IL1RAPL1: variants seen among roughly 807,000 people sequenced by gnomAD.
The protein encoded by IL1RAPL1 is interleukin-1 receptor accessory protein-like 1.
Under a neutral mutation model 48.4 loss-of-function variants are expected in IL1RAPL1, and 3 were observed. That is an observed-to-expected ratio of 0.06 (90% CI 0.03 to 0.16). The LOEUF (loss-of-function observed/expected upper bound fraction) is 0.16. Among genes scored for constraint, IL1RAPL1 ranks in the 10% least tolerant of loss-of-function variants. The pLI is 1.00. For synonymous variants in IL1RAPL1, 185 were observed against 187.7 expected (o/e 0.99, Z 0.12); for missense variants, 349 against 530.6 (o/e 0.66, Z 3.36).
intron 1 of IL1RAPL1, among the ~76,000 whole-genome samples, chrX:28,644,849 T>C (rs1446837026): frequency 9.0e-6 from 1 of 111,417 alleles, no homozygotes; most frequent in African/African-American, 3.3e-5. Context: ...TGTAGAATGT[T>C]GATACCAGTT....
intron 6 of IL1RAPL1, among the ~76,000 whole-genome samples, chrX:29,756,352 CTTTA>C (rs1168680196): frequency 9.0e-6 from 1 of 111,426 alleles, no homozygotes; most frequent in Admixed American, 9.6e-5. Context: ...GGGTGGATAA[CTTTA>C]TTTTTTTATT....
At chrX:29,080,730 C>T (rs1026017213) in intron 2 of IL1RAPL1, among the ~76,000 whole-genome samples, 4 of 107,607 alleles carry the variant, frequency 3.7e-5, no homozygotes, top group African/African-American at 1.4e-4. Context: ...AATTATTATT[C>T]TTCCAAGCAA....
intron 5 of IL1RAPL1, among the ~76,000 whole-genome samples, chrX:29,544,154 T>C (rs1248846430): frequency 1.8e-5 from 2 of 111,780 alleles, no homozygotes; most frequent in Non-Finnish European, 3.8e-5. Context: ...TCTCTGGATG[T>C]GCAGAAAGAT....
chrX:29,006,643 A>ATGTGTGTG (rs1228333162), intron 2 of IL1RAPL1, among the ~76,000 whole-genome samples: 1 of 85,647 alleles, frequency 1.2e-5, no homozygotes, highest in Non-Finnish European at 2.2e-5. Flanking sequence ...GTGTGTTTAT[A>ATGTGTGTG]TATATGTGTG....
chrX:29,230,273 T>G (rs1044225955), intron 2 of IL1RAPL1, among the ~76,000 whole-genome samples: 3 of 110,003 alleles, frequency 2.7e-5, no homozygotes, highest in Non-Finnish European at 5.7e-5. Context: ...CAAAAGGATT[T>G]GGAGTTGACT....
intron 1 of IL1RAPL1, among the ~76,000 whole-genome samples, chrX:28,602,070 A>G (rs766710722): frequency 9.7e-6 from 1 of 102,759 alleles, no homozygotes; most frequent in East Asian, 3.0e-4. Context: ...GCACCACTGC[A>G]CTCCAGCCTG....
chrX:28,799,570 AT>A (rs1936650565), intron 2 of IL1RAPL1, among the ~76,000 whole-genome samples: 1 of 112,097 alleles, frequency 8.9e-6, no homozygotes. Flanking sequence ...AAGACACACA[AT>A]CAAACTATGT....
chrX:29,844,807 T>C (rs1009780415), intron 6 of IL1RAPL1, among the ~76,000 whole-genome samples: 5 of 111,938 alleles, frequency 4.5e-5, no homozygotes, highest in African/African-American at 1.3e-4. Context: ...AAGGAACAAC[T>C]GTATTGTAAG....
At position 28,789,366 on chromosome X, in the gene IL1RAPL1, T is replaced by G. The variant is rs750663388; in HGVS notation, c.23T>G (p.Leu8Trp). The change falls in exon 2 of 11, where the codon TTG becomes TGG. Residue 8 changes from leucine (L) to tryptophan (W), a missense_variant. Coordinates refer to ENST00000378993, the MANE Select transcript of IL1RAPL1 (RefSeq NM_014271.4). Reference protein sequence around the residue: MKAPIPHLILLYATFTQS... With the variant: MKAPIPHWILLYATFTQS... ...AAGATGAAAGCTCCGATTCCACACT[T>G]GATTCTCTTATACGCTACTTTTACT... 1 of 1,209,946 alleles carries G rather than the reference T, an allele frequency of 8.3e-7. No individual in the cohort carries two copies. The highest frequency in any genetic ancestry group is 1.8e-5 in the South Asian group (1 of 56,986).
At chrX:29,466,636 C>A (rs1399994004) in intron 5 of IL1RAPL1, among the ~76,000 whole-genome samples, 1 of 112,147 alleles carries the variant, frequency 8.9e-6, no homozygotes, top group Non-Finnish European at 1.9e-5. Flanking sequence ...TGATCACTGG[C>A]TGAACTTCAT....
At chrX:28,752,612 A>G (rs1451322907) in intron 1 of IL1RAPL1, among the ~76,000 whole-genome samples, 4 of 112,425 alleles carry the variant, frequency 3.6e-5, no homozygotes, top group Non-Finnish European at 7.5e-5. Context: ...CAGAAATCCA[A>G]ACCTCTGCTT....
At chrX:28,687,688 A>G (rs1935127179) in intron 1 of IL1RAPL1, among the ~76,000 whole-genome samples, 1 of 110,479 alleles carries the variant, frequency 9.1e-6, no homozygotes, top group Admixed American at 9.6e-5. Context: ...AGGCTGAGGC[A>G]GGAGAATGGC....
chrX:29,425,495 A>T (rs981904083), intron 5 of IL1RAPL1, among the ~76,000 whole-genome samples: 13 of 111,723 alleles, frequency 1.2e-4, no homozygotes, highest in African/African-American at 4.2e-4. Flanking sequence ...TCTCTGGTTC[A>T]TATCTCTGTC....
chrX:29,663,684 G>A lies in IL1RAPL1; in HGVS notation c.704-4746G>A, dbSNP rs147880416. 4.2e-3 allele frequency among the ~76,000 whole-genome samples: 472 copies of A among 111,937 alleles called. 3 individuals carry two copies. The highest frequency in any genetic ancestry group is 0.015 in the African/African-American group (448 of 30,844). Reference sequence around the variant, plus strand: ...TATTTTTGTTGAATTGATTTGTTAAGTATAGATCAATCCCCCTGCTATGGA... The same window carrying A: ...TATTTTTGTTGAATTGATTTGTTAAATATAGATCAATCCCCCTGCTATGGA... On this transcript the variant is annotated intron_variant, in intron 5 of 10. Transcript: ENST00000378993.
At position 29,187,563 on chromosome X, in the gene IL1RAPL1, G is replaced by A. The variant is rs186822803; in HGVS notation, c.83-95375G>A. Among the ~76,000 whole-genome samples, 75 of 111,481 alleles carry A rather than the reference G, an allele frequency of 6.7e-4. No homozygotes were observed. The Middle Eastern group carries it at 0.014, about 20-fold the overall frequency. On this transcript the variant is annotated intron_variant, in intron 2 of 10. Transcript: ENST00000378993. ...TTTATACTGGACAGTAAGCATGCAT[G>A]CCCATTGCTCTGAAAGGAGACACTG...
intron 5 of IL1RAPL1, among the ~76,000 whole-genome samples, chrX:29,573,838 C>T (rs1379694263): frequency 9.0e-6 from 1 of 111,645 alleles, no homozygotes; most frequent in Non-Finnish European, 1.9e-5. Context: ...TGGTATATGT[C>T]AACTATTTTA....
intron 2 of IL1RAPL1, among the ~76,000 whole-genome samples, chrX:29,252,200 G>T (rs1443347312): frequency 8.9e-6 from 1 of 111,986 alleles, no homozygotes; most frequent in Non-Finnish European, 1.9e-5. Context: ...CACCAGCATG[G>T]CACATGTATA....
intron 2 of IL1RAPL1, among the ~76,000 whole-genome samples, chrX:29,136,852 G>A (rs141986184): frequency 0.014 from 1,587 of 111,842 alleles, 38 homozygotes; most frequent in African/African-American, 0.049. Flanking sequence ...AGAGAGAAGT[G>A]TTATTATGAG....
chrX:29,751,711 A>C (rs59673125), intron 6 of IL1RAPL1, among the ~76,000 whole-genome samples: 4 of 110,292 alleles, frequency 3.6e-5, no homozygotes, highest in African/African-American at 1.3e-4. Flanking sequence ...TGGGAAGATC[A>C]CTTGAGGCCA....
Sources: allele counts gnomAD v4.1 joint callset (sites outside exome capture counted in the v4.1 genomes callset), GRCh38; gene constraint gnomAD v4.1.1; transcripts MANE v1.5; gene names NCBI Gene and HGNC (gene_info 2026-07-23, HGNC 2026-07-21).